Variants in PCDHGA5 observed in about 807,000 individuals in gnomAD.
The protein encoded by PCDHGA5 is protocadherin gamma subfamily A, 5, also known as protocadherin gamma-A5.
A neutral mutation model predicts 56.7 loss-of-function variants in PCDHGA5; 36 were observed. The ratio of observed to expected loss-of-function variants is 0.64; its 90% confidence interval spans 0.49 to 0.84. The LOEUF (loss-of-function observed/expected upper bound fraction) is 0.84. Among genes scored for constraint, PCDHGA5 ranks in the 40% least tolerant of loss-of-function variants. PCDHGA5 has a pLI of 0.00. For synonymous variants in PCDHGA5, 563 were observed against 520.2 expected, an observed-to-expected ratio of 1.08 and a Z score of -1.12; for missense variants, 1,305 against 1,201.5, an observed-to-expected ratio of 1.09 and a Z score of -1.27.
chr5:141,415,278 G>A (rs768587119), intron 1 of PCDHGA5: 4 of 1,614,212 alleles, frequency 2.5e-6, no homozygotes, highest in Non-Finnish European at 3.4e-6. Flanking sequence ...TGGTAGCGGT[G>A]GCCGCGGTCT....
chr5:141,392,758 A>G (rs1589161304), intron 1 of PCDHGA5: 2 of 1,472,462 alleles, frequency 1.4e-6, no homozygotes, highest in Non-Finnish European at 1.8e-6. Context: ...AAGAAACTAA[A>G]TAAGACCCAT....
At chr5:141,467,117 A>G (rs62379198) in intron 1 of PCDHGA5, among the ~76,000 whole-genome samples, 35,587 of 150,646 alleles carry the variant, frequency 0.24, 4,364 homozygotes, top group Admixed American at 0.32. Flanking sequence ...CAATGGTGCA[A>G]TCTCAGCTCA....
At chr5:141,399,942 G>A (rs780939486) in intron 1 of PCDHGA5, 12 of 1,612,140 alleles carry the variant, frequency 7.4e-6, no homozygotes, top group Middle Eastern at 1.9e-4. Context: ...ACCACGTGCT[G>A]CAGGCTAGCG....
intron 1 of PCDHGA5, among the ~76,000 whole-genome samples, chr5:141,435,444 A>T (rs1471113812): frequency 1.3e-5 from 2 of 152,216 alleles, no homozygotes; most frequent in South Asian, 2.1e-4. Context: ...TTTCATTAAT[A>T]CGATATCTGT....
At chr5:141,425,209 A>ATCAT (rs1368049572) in intron 1 of PCDHGA5, among the ~76,000 whole-genome samples, 2 of 152,180 alleles carry the variant, frequency 1.3e-5, no homozygotes, top group Admixed American at 1.3e-4. Flanking sequence ...GATGTAAGGC[A>ATCAT]TTGTACTTTG....
intron 1 of PCDHGA5, chr5:141,426,568 C>T: frequency 5.6e-6 from 2 of 354,402 alleles, no homozygotes; most frequent in Non-Finnish European, 5.6e-6. Flanking sequence ...TCGAGAGTCA[C>T]TGTCTTCAAA....
At position 141,505,413 on chromosome 5, in the gene PCDHGA5, C is replaced by A; in HGVS notation, c.2501C>A (p.Thr834Asn). ...CCCAGCTCCCAAAATGGCGATGACACCGGCACCTGGCCCAACAACCAGTTT... is the reference window on the plus strand; with the variant it reads ...CCCAGCTCCCAAAATGGCGATGACAACGGCACCTGGCCCAACAACCAGTTT... ...GTSGSQNGDD[T>N]GTWPNNQFDT... Residue 834 changes from threonine to asparagine, a missense_variant, in exon 3 of 4, where the codon ACC becomes AAC. Physicochemically the swap from Thr to Asn is moderately conservative, Grantham distance 65 (BLOSUM62 0). Coordinates refer to ENST00000518069, the MANE Select transcript of PCDHGA5 (RefSeq NM_018918.3). 1 of 1,614,202 alleles carries A rather than the reference C, an allele frequency of 6.2e-7. No homozygotes were observed. Among genetic ancestry groups the A allele is most frequent in the Non-Finnish European group, 8.5e-7 (1 of 1,180,046 alleles).
At chr5:141,407,875 A>G (rs957717882) in intron 1 of PCDHGA5, 8 of 361,396 alleles carry the variant, frequency 2.2e-5, no homozygotes, top group African/African-American at 8.4e-5. Context: ...AAGAATATAT[A>G]CATTTCGGAG....
At chr5:141,460,961 A>ATATGTGTG (rs1463306338) in intron 1 of PCDHGA5, among the ~76,000 whole-genome samples, 3 of 144,556 alleles carry the variant, frequency 2.1e-5, no homozygotes, top group African/African-American at 7.8e-5. Context: ...GTATATATAT[A>ATATGTGTG]TGTGTGTGTG....
intron 1 of PCDHGA5, chr5:141,384,439 C>A (rs1314559914): frequency 6.2e-7 from 1 of 1,614,016 alleles, no homozygotes; most frequent in South Asian, 1.1e-5. Flanking sequence ...CACTGGAGTC[C>A]TGTACGCGCT....
chr5:141,422,727 G>A, intron 1 of PCDHGA5: 6 of 1,606,552 alleles, frequency 3.7e-6, no homozygotes, highest in Non-Finnish European at 5.1e-6. Flanking sequence ...TCCAGGGGGT[G>A]CCTCTGTCCT....
At chr5:141,427,352 G>A (rs982774903) in intron 1 of PCDHGA5, 3 of 457,474 alleles carry the variant, frequency 6.6e-6, no homozygotes, top group African/African-American at 6.0e-5. Flanking sequence ...CTGTAACTGA[G>A]GACGCAGAAC....
chr5:141,384,372 G>C, intron 1 of PCDHGA5: 1 of 1,613,854 alleles, frequency 6.2e-7, no homozygotes, highest in South Asian at 1.1e-5. Context: ...CTTATTCCTT[G>C]GCCGAAGACA....
intron 1 of PCDHGA5, chr5:141,414,763 C>A: frequency 6.2e-7 from 1 of 1,614,258 alleles, no homozygotes; most frequent in Non-Finnish European, 8.5e-7. Flanking sequence ...TGAGCAGTTT[C>A]ATGAGCTACA....
At chr5:141,370,084 A>C (rs947010720) in intron 1 of PCDHGA5, among the ~76,000 whole-genome samples, 2 of 152,244 alleles carry the variant, frequency 1.3e-5, no homozygotes, top group Non-Finnish European at 2.9e-5. Context: ...AAGTATCACT[A>C]TCAGTACACT....
chr5:141,504,077 G>A (rs939470644), intron 2 of PCDHGA5, among the ~76,000 whole-genome samples: 3 of 152,124 alleles, frequency 2.0e-5, no homozygotes, highest in Non-Finnish European at 2.9e-5. Context: ...GCCAGATGGT[G>A]CCAAACAGTT....
At chr5:141,382,840 A>C in intron 1 of PCDHGA5, 1 of 1,450,368 alleles carries the variant, frequency 6.9e-7, no homozygotes, top group Admixed American at 2.3e-5. Flanking sequence ...CCACCCGGAT[A>C]CACCCGCATT....
At chr5:141,470,323 A>G (rs1029928511) in intron 1 of PCDHGA5, among the ~76,000 whole-genome samples, 1 of 152,188 alleles carries the variant, frequency 6.6e-6, no homozygotes, top group Non-Finnish European at 1.5e-5. Context: ...AAATGATCCC[A>G]TAATTTGACC....
chr5:141,476,225 A>G lies in PCDHGA5; in HGVS notation c.2422-18582A>G, dbSNP rs1414835001. ...GGCTTCCACGGTCATTCACTATGAG[A>G]TCCCGGAGGAAAGAGAGAAGGGTTT... On this transcript the variant is annotated intron_variant, in intron 1 of 3. Transcript: ENST00000518069. This position sits in a 1 kb window ranked among gnomAD's most constrained non-coding sequence, Gnocchi z 7.6. 3 of 1,613,882 alleles carry G rather than the reference A, an allele frequency of 1.9e-6. No homozygotes were observed. The highest frequency in any genetic ancestry group is 2.5e-6 in the Non-Finnish European group (3 of 1,180,012).
Sources: gnomAD v4.1 joint callset for allele counts (sites outside exome capture counted in the v4.1 genomes callset) on GRCh38, gnomAD v4.1.1 for gene constraint, Gnocchi (gnomAD v3.1) non-coding constraint, MANE v1.5 for transcripts, NCBI Gene and HGNC (gene_info 2026-07-23, HGNC 2026-07-21) for gene names.